Variants in FSHR observed in about 807,000 individuals in gnomAD.
FSHR encodes follicle stimulating hormone receptor, also known as follicle-stimulating hormone receptor.
FSHR carries 46 observed loss-of-function variants against 52.1 expected under a neutral mutation model. The ratio of observed to expected loss-of-function variants is 0.88; its 90% CI spans 0.70 to 1.13. The LOEUF (loss-of-function observed/expected upper bound fraction) is 1.13, where lower values mean the gene tolerates loss of function less well. Ranked by LOEUF, FSHR falls within the 50% of genes most tolerant of loss-of-function variation. The probability of loss-of-function intolerance (pLI) is 0.00; values close to 1 mark genes in which losing one functional copy is unlikely to be tolerated. For synonymous variants in FSHR, 399 were observed against 309.6 expected (o/e 1.29, Z -3.03); for missense variants, 964 against 834.6 (o/e 1.16, Z -1.91).
chr2:49,085,971 G>A (rs1230052339), intron 1 of FSHR, among the ~76,000 whole-genome samples: 2 of 149,926 alleles, frequency 1.3e-5, no homozygotes, highest in Admixed American at 1.3e-4. Flanking sequence ...TTGTGGGGGG[G>A]GGGAGTGGGG....
At chr2:49,058,974 T>G (rs1357164766) in intron 2 of FSHR, among the ~76,000 whole-genome samples, 1 of 152,154 alleles carries the variant, frequency 6.6e-6, no homozygotes, top group Non-Finnish European at 1.5e-5. Flanking sequence ...TTTGGGTGAT[T>G]GGGGCAGAAT....
intron 1 of FSHR, among the ~76,000 whole-genome samples, chr2:49,111,486 G>C (rs1436751552): frequency 1.3e-5 from 2 of 152,142 alleles, no homozygotes; most frequent in Non-Finnish European, 2.9e-5. Context: ...ATTATTATTA[G>C]ACAATTTTTC....
chr2:49,001,091 G>A (rs111544536), intron 4 of FSHR, among the ~76,000 whole-genome samples: 1 of 152,046 alleles, frequency 6.6e-6, no homozygotes, highest in African/African-American at 2.4e-5. Context: ...AGAGAGGCAA[G>A]GCTTACAGAG....
At chr2:49,056,658 C>A (rs1414690509) in intron 2 of FSHR, among the ~76,000 whole-genome samples, 1 of 151,730 alleles carries the variant, frequency 6.6e-6, no homozygotes, top group African/African-American at 2.4e-5. Flanking sequence ...CACCACAGAC[C>A]AAACAGACAC....
chr2:48,968,613 C>A lies in FSHR; in HGVS notation c.854+85G>T, dbSNP rs185694713. 90 of 1,495,566 alleles carry A rather than the reference C, an allele frequency of 6.0e-5. No individual in the cohort carries two copies. In the East Asian group the frequency reaches 1.6e-3, roughly 27 times the overall value. The allele number at this position is 1,495,566 out of a possible 1,614,324, so 92.6% of individuals were successfully genotyped here. On this transcript the variant is annotated intron_variant, in intron 9 of 9. Coordinates refer to ENST00000406846, the MANE Select transcript of FSHR (RefSeq NM_000145.4). ...ACAGGGAACTCTCTGCAAGTAGATT[C>A]TCTTCATGTCACAGATAGGTAGAAA... is the stretch of plus-strand genomic sequence containing the variant.
chr2:49,039,079 G>A (rs867357645), intron 2 of FSHR, among the ~76,000 whole-genome samples: 1 of 152,066 alleles, frequency 6.6e-6, no homozygotes, highest in Non-Finnish European at 1.5e-5. Flanking sequence ...TAAATCTAAA[G>A]TACAGTTTTC....
At chr2:49,141,270 A>C (rs1396906391) in intron 1 of FSHR, among the ~76,000 whole-genome samples, 2 of 152,276 alleles carry the variant, frequency 1.3e-5, no homozygotes, top group East Asian at 3.9e-4. Context: ...ATTGCTATTA[A>C]AAAATACCTA....
intron 2 of FSHR, among the ~76,000 whole-genome samples, chr2:49,050,544 C>T (rs993257910): frequency 1.5e-4 from 23 of 152,144 alleles, no homozygotes; most frequent in Admixed American, 1.5e-3. Flanking sequence ...ATGGTAGATT[C>T]CAACTAAAAG....
At chr2:49,003,774 C>T (rs1036554318) in intron 4 of FSHR, among the ~76,000 whole-genome samples, 5 of 150,212 alleles carry the variant, frequency 3.3e-5, no homozygotes, top group African/African-American at 1.2e-4. Flanking sequence ...AAAACCTGGT[C>T]CCCCACCCCC....
At chr2:49,076,550 C>T (rs576252378) in intron 1 of FSHR, among the ~76,000 whole-genome samples, 2 of 152,220 alleles carry the variant, frequency 1.3e-5, no homozygotes, top group African/African-American at 4.8e-5. Context: ...GCCCCTGGCC[C>T]CTCCCAAATC....
rs1200811624 is a variant in FSHR, at chr2:48,983,103, A to G, written c.588T>C (p.Asp196=). The change falls in exon 7 of 10, where the codon GAT becomes GAC. Residue 196 remains aspartate (D), a synonymous_variant. Coordinates refer to ENST00000406846, the MANE Select transcript of FSHR (RefSeq NM_000145.4). ...GAATAGTCAGGGCTACTTACAGCTC[A>G]TCTAGTTGGGTTCCATTGAATGCAC... is the stretch of plus-strand genomic sequence containing the variant. ...HNCAFNGTQL[D]ELNLSDNNNL... is the part of the protein sequence containing the mutation. The G allele has an allele frequency of 6.2e-7, 1 of 1,612,844 alleles. No homozygotes were observed. The highest frequency in any genetic ancestry group is 8.5e-7 in the Non-Finnish European group (1 of 1,179,008).
intron 1 of FSHR, among the ~76,000 whole-genome samples, chr2:49,103,131 C>G (rs1284321623): frequency 1.3e-5 from 2 of 152,120 alleles, no homozygotes; most frequent in East Asian, 3.9e-4. Flanking sequence ...CTCTCCTCCC[C>G]TCCCCAAAAC....
At chr2:49,084,327 C>G (rs866781922) in intron 1 of FSHR, among the ~76,000 whole-genome samples, 2 of 152,044 alleles carry the variant, frequency 1.3e-5, no homozygotes, top group Non-Finnish European at 2.9e-5. Flanking sequence ...ACCAGAATCT[C>G]TGGGACGCAT....
At chr2:49,007,757 A>G (rs977817649) in intron 4 of FSHR, among the ~76,000 whole-genome samples, 1 of 152,170 alleles carries the variant, frequency 6.6e-6, no homozygotes, top group South Asian at 2.1e-4. Flanking sequence ...CACCATCATC[A>G]TGATCATCAT....
intron 2 of FSHR, among the ~76,000 whole-genome samples, chr2:49,027,504 T>C (rs886307341): frequency 5.3e-5 from 8 of 152,170 alleles, no homozygotes; most frequent in African/African-American, 1.9e-4. Context: ...TTGGGAGCCA[T>C]GCATAGGATA....
chr2:49,153,531 C>T (rs933164795), intron 1 of FSHR, among the ~76,000 whole-genome samples: 1 of 152,166 alleles, frequency 6.6e-6, no homozygotes, highest in African/African-American at 2.4e-5. Flanking sequence ...ATCCTCTTTA[C>T]TCTTCAGACA....
chr2:49,041,629 C>A (rs1668482179), intron 2 of FSHR, among the ~76,000 whole-genome samples: 1 of 151,986 alleles, frequency 6.6e-6, no homozygotes, highest in Non-Finnish European at 1.5e-5. Context: ...CAAGATAGGT[C>A]TTGGGTCTTT....
chr2:49,033,979 G>A (rs1441258578), intron 2 of FSHR, among the ~76,000 whole-genome samples: 1 of 152,166 alleles, frequency 6.6e-6, no homozygotes, highest in African/African-American at 2.4e-5. Context: ...GCCACTGAAG[G>A]AAAAGATGAA....
At position 49,007,816 on chromosome 2, in the gene FSHR, A is replaced by T. The variant is rs545512115; in HGVS notation, c.374+9673T>A. Among the ~76,000 whole-genome samples, 11 of 152,198 alleles carry T rather than the reference A, an allele frequency of 7.2e-5. No homozygotes were observed. In the South Asian group the frequency reaches 1.9e-3, roughly 26 times the overall value. On this transcript the variant is annotated intron_variant, in intron 4 of 9. Coordinates refer to ENST00000406846, the MANE Select transcript of FSHR (RefSeq NM_000145.4). ...ATGGATAATATACCAGAAGCTTTAC[A>T]ATCAGTATCTCATTTAATCCTACAC... is the stretch of plus-strand genomic sequence containing the variant.
Sources: allele counts gnomAD v4.1 joint callset (sites outside exome capture counted in the v4.1 genomes callset), GRCh38; gene constraint gnomAD v4.1.1; transcripts MANE v1.5; gene names NCBI Gene and HGNC (gene_info 2026-07-23, HGNC 2026-07-21).